NHS: variants seen among roughly 807,000 people sequenced by gnomAD.
The protein encoded by NHS is actin remodeling regulator NHS.
In NHS, 5 loss-of-function variants were observed where a neutral mutation model predicts 72.5. That is an observed-to-expected ratio of 0.07 (90% CI 0.04 to 0.14). NHS has a LOEUF of 0.14. NHS is among the 10% of genes least tolerant of loss of function. The pLI is 1.00. For synonymous variants in NHS, 464 were observed against 547.7 expected, an observed-to-expected ratio of 0.85 and a Z score of 2.13; for missense variants, 1,072 against 1,355.7, an observed-to-expected ratio of 0.79 and a Z score of 3.29.
intron 1 of NHS, among the ~76,000 whole-genome samples, chrX:17,590,351 A>G: frequency 8.9e-6 from 1 of 112,181 alleles, no homozygotes; most frequent in Middle Eastern, 4.2e-3. Context: ...ATCTGGAATA[A>G]ATAACATTGG....
intron 1 of NHS, among the ~76,000 whole-genome samples, chrX:17,681,985 C>T (rs2066132108): frequency 9.0e-6 from 1 of 110,970 alleles, no homozygotes; most frequent in South Asian, 3.8e-4. Flanking sequence ...TTCTACAGAA[C>T]AGGAAGCCCA....
intron 1 of NHS, among the ~76,000 whole-genome samples, chrX:17,386,921 T>A (rs933803497): frequency 8.9e-6 from 1 of 111,967 alleles, no homozygotes; most frequent in Non-Finnish European, 1.9e-5. Context: ...TCATTTCCAA[T>A]CAGTGGTGAT....
intron 1 of NHS, among the ~76,000 whole-genome samples, chrX:17,681,971 A>T (rs2066132074): frequency 9.0e-6 from 1 of 111,181 alleles, no homozygotes; most frequent in African/African-American, 3.3e-5. Flanking sequence ...CTGAATTATT[A>T]TGGTTCTACA....
intron 1 of NHS, among the ~76,000 whole-genome samples, chrX:17,456,034 G>A (rs750298487): frequency 8.9e-6 from 1 of 111,999 alleles, no homozygotes; most frequent in South Asian, 3.7e-4. Flanking sequence ...AAGGGGCTGT[G>A]AGGTGCATTT....
intron 1 of NHS, among the ~76,000 whole-genome samples, chrX:17,590,056 C>T (rs2065595504): frequency 9.0e-6 from 1 of 111,637 alleles, no homozygotes; most frequent in Non-Finnish European, 1.9e-5. Context: ...TGAGAAATAA[C>T]TCTCTGTGTG....
intron 1 of NHS, among the ~76,000 whole-genome samples, chrX:17,508,535 ATCTC>A (rs2065070056): frequency 9.0e-6 from 1 of 111,278 alleles, no homozygotes; most frequent in Non-Finnish European, 1.9e-5. Context: ...CAGTGGCATG[ATCTC>A]GGCTCACTGC....
intron 1 of NHS, 36 bp from the exon 2 acceptor site, chrX:17,687,706 C>T (rs1320050443): frequency 8.5e-7 from 1 of 1,173,918 alleles, no homozygotes; most frequent in East Asian, 3.1e-5. Flanking sequence ...CAACTTAAAG[C>T]CACTGATGGA....
At chrX:17,657,762 G>A (rs1222554160) in intron 1 of NHS, among the ~76,000 whole-genome samples, 1 of 112,749 alleles carries the variant, frequency 8.9e-6, no homozygotes, top group Admixed American at 9.3e-5. Flanking sequence ...TACATCCCCT[G>A]GTTGGATCCA....
chrX:17,513,545 C>T (rs1487453013), intron 1 of NHS, among the ~76,000 whole-genome samples: 1 of 112,399 alleles, frequency 8.9e-6, no homozygotes, highest in Non-Finnish European at 1.9e-5. Context: ...GCAAGCACAG[C>T]TTCTTGGGCT....
chrX:17,399,153 G>A (rs1362484231), intron 1 of NHS, among the ~76,000 whole-genome samples: 3 of 109,338 alleles, frequency 2.7e-5, no homozygotes, highest in Non-Finnish European at 5.7e-5. Context: ...CCAGGCCGGA[G>A]TGCAGTGGTA....
At chrX:17,615,483 A>G (rs2065740914) in intron 1 of NHS, among the ~76,000 whole-genome samples, 1 of 104,718 alleles carries the variant, frequency 9.5e-6, no homozygotes, top group African/African-American at 3.5e-5. Context: ...AACTCCTGGG[A>G]TCAAGCCTCC....
chrX:17,448,008 TC>T (rs778185936), intron 1 of NHS, among the ~76,000 whole-genome samples: 14 of 111,905 alleles, frequency 1.3e-4, no homozygotes, highest in African/African-American at 4.2e-4. Context: ...CATTCCCAAG[TC>T]CCCTCCTTGT....
chrX:17,517,228 C>G (rs1285967767), intron 1 of NHS, among the ~76,000 whole-genome samples: 2 of 112,160 alleles, frequency 1.8e-5, no homozygotes, highest in African/African-American at 6.5e-5. Flanking sequence ...CATTAACTAG[C>G]CATGTGACCT....
intron 1 of NHS, among the ~76,000 whole-genome samples, chrX:17,670,139 G>A (rs2066035464): frequency 8.9e-6 from 1 of 112,511 alleles, no homozygotes; most frequent in Admixed American, 9.4e-5. Context: ...TGGTGAAAGG[G>A]ATGGGAATCT....
intron 1 of NHS, among the ~76,000 whole-genome samples, chrX:17,419,640 T>C (rs2064613724): frequency 9.0e-6 from 1 of 110,791 alleles, no homozygotes; most frequent in African/African-American, 3.3e-5. Flanking sequence ...TATTTCTAGA[T>C]TTAGTGTATA....
At chrX:17,503,266 C>T (rs2146925716) in intron 1 of NHS, among the ~76,000 whole-genome samples, 1 of 112,396 alleles carries the variant, frequency 8.9e-6, no homozygotes, top group East Asian at 2.8e-4. Context: ...TTATCCTTTT[C>T]ATTTCACTTT....
At chrX:17,541,237 C>G (rs1004041572) in intron 1 of NHS, among the ~76,000 whole-genome samples, 1 of 112,275 alleles carries the variant, frequency 8.9e-6, no homozygotes, top group African/African-American at 3.2e-5. Context: ...AAGAGACTTG[C>G]CTGGAGTTAA....
chrX:17,502,342 C>T (rs2065039541), intron 1 of NHS, among the ~76,000 whole-genome samples: 1 of 111,311 alleles, frequency 9.0e-6, no homozygotes, highest in South Asian at 3.8e-4. Context: ...TGCCCTCTCC[C>T]TCTCCATTTA....
At chrX:17,631,580 A>G (rs1366504273) in intron 1 of NHS, among the ~76,000 whole-genome samples, 1 of 111,912 alleles carries the variant, frequency 8.9e-6, no homozygotes, top group Non-Finnish European at 1.9e-5. Context: ...ACTAATGCAG[A>G]ATAGGGGAGT....
Sources: allele counts gnomAD v4.1 joint callset (sites outside exome capture counted in the v4.1 genomes callset), GRCh38; gene constraint gnomAD v4.1.1; transcripts MANE v1.5; gene names NCBI Gene and HGNC (gene_info 2026-07-23, HGNC 2026-07-21).